The following CA8 variants were observed in gnomAD, a reference collection of about 807,000 sequenced individuals.
The protein encoded by CA8 is carbonic anhydrase-related protein.
Under a neutral mutation model 41.4 loss-of-function variants are expected in CA8, and 22 were observed. The observed-to-expected ratio is 0.53, with a 90% CI of 0.38 to 0.76. The LOEUF is 0.76. CA8 is among the 30% of genes least tolerant of loss of function. The pLI, the probability that CA8 is intolerant of heterozygous loss-of-function variation, is 0.00. For missense variants in CA8, 270 were observed against 352.8 expected (o/e 0.77, Z 1.88); for synonymous variants, 121 against 130.6 (o/e 0.93, Z 0.50).
intron 4 of CA8, among the ~76,000 whole-genome samples, chr8:60,229,530 T>C (rs1807568111): frequency 3.3e-5 from 5 of 152,206 alleles, no homozygotes; most frequent in African/African-American, 1.2e-4. Context: ...CCACCCTGGA[T>C]GACTTCAGCA....
intron 2 of CA8, among the ~76,000 whole-genome samples, chr8:60,269,181 T>C (rs1222002604): frequency 6.6e-6 from 1 of 152,212 alleles, no homozygotes. Context: ...GCAGCTTCTA[T>C]TTTATCCATC....
Position 60,249,030 on chromosome 8 carries a change from T to C in CA8, c.418-16651A>G, listed in dbSNP as rs529497076. On this transcript the variant is annotated intron_variant, in intron 3 of 8. Coordinates refer to ENST00000317995, the MANE Select transcript of CA8 (RefSeq NM_004056.6). ...TTATTCCCTTTGTAGCAATTGTGAATGGGAGTTTATTCAAGATTTGGTCCA... is the reference window on the plus strand; with the variant it reads ...TTATTCCCTTTGTAGCAATTGTGAACGGGAGTTTATTCAAGATTTGGTCCA... Among the ~76,000 whole-genome samples the C allele has an allele frequency of 9.2e-5, 14 of 152,310 alleles. No individual in the cohort carries two copies. In the East Asian group the frequency reaches 2.7e-3, roughly 29 times the overall value.
At chr8:60,221,138 A>T (rs1473235172) in intron 7 of CA8, among the ~76,000 whole-genome samples, 2 of 152,130 alleles carry the variant, frequency 1.3e-5, no homozygotes, top group East Asian at 3.9e-4. Flanking sequence ...GTGAATCCAA[A>T]ACTCTAGGCT....
chr8:60,240,289 G>A (rs1807976777), intron 3 of CA8, among the ~76,000 whole-genome samples: 1 of 152,158 alleles, frequency 6.6e-6, no homozygotes, highest in Admixed American at 6.5e-5. Context: ...TTATTGAGAT[G>A]GCAGTTTCAA....
chr8:60,254,100 A>G (rs775757919), intron 3 of CA8, among the ~76,000 whole-genome samples: 1 of 152,132 alleles, frequency 6.6e-6, no homozygotes, highest in African/African-American at 2.4e-5. Context: ...TTATCTTTTC[A>G]CATGTTTCTG....
Position 60,270,380 on chromosome 8 carries a change from CA to C in CA8, c.293-4332del, listed in dbSNP as rs541737091. Among the ~76,000 whole-genome samples the C allele has an allele frequency of 6.6e-5, 10 of 152,236 alleles. No homozygotes were observed. In the South Asian group the frequency reaches 2.1e-3, roughly 32 times the overall value. ...CACCACCCGAAGGATCCAAAGGATT[CA>C]TTCTTATTTTATTTACTTACTTACC... On this transcript the variant is annotated intron_variant, in intron 2 of 8. Coordinates refer to ENST00000317995, the MANE Select transcript of CA8 (RefSeq NM_004056.6).
At chr8:60,255,433 A>G (rs920377600) in intron 3 of CA8, among the ~76,000 whole-genome samples, 6 of 152,222 alleles carry the variant, frequency 3.9e-5, no homozygotes, top group Middle Eastern at 3.4e-3. Context: ...GGATCTCTTT[A>G]TTGGATCTCC....
intron 3 of CA8, chr8:60,265,302 A>G (rs1328562714): frequency 6.5e-6 from 1 of 154,272 alleles, no homozygotes; most frequent in Non-Finnish European, 1.4e-5. Context: ...TGCCCTATCA[A>G]GCATACAGGG....
chr8:60,277,347 AGTATTATTC>A (rs1804273451), intron 2 of CA8, among the ~76,000 whole-genome samples: 1 of 151,770 alleles, frequency 6.6e-6, no homozygotes, highest in African/African-American at 2.4e-5. Flanking sequence ...AGGCAGAAAG[AGTATTATTC>A]ACCTTTTTTT....
At chr8:60,210,344 G>A (rs11991354) in intron 7 of CA8, among the ~76,000 whole-genome samples, 55,830 of 151,998 alleles carry the variant, frequency 0.37, 10,712 homozygotes, top group Admixed American at 0.45. Flanking sequence ...ATAGAATTCT[G>A]CCATTCATAA....
chr8:60,200,712 T>C (rs537407563), intron 8 of CA8, among the ~76,000 whole-genome samples: 1 of 148,144 alleles, frequency 6.8e-6, no homozygotes, highest in Non-Finnish European at 1.5e-5. Flanking sequence ...ACTACCTTAT[T>C]TTGTGGATGA....
chr8:60,261,137 G>C (rs1408295742), intron 3 of CA8, among the ~76,000 whole-genome samples: 1 of 152,050 alleles, frequency 6.6e-6, no homozygotes, highest in East Asian at 1.9e-4. Flanking sequence ...GCCAAATATA[G>C]TTTAAGGATT....
rs1438834233 is a variant in CA8, at chr8:60,188,358, C to T, written c.*1663G>A. On this transcript the variant is annotated 3_prime_UTR_variant, in exon 9 of 9. Transcript: ENST00000317995. ...CAATCCCTGACTGTTCAGCACCAAC[C>T]CGGTCAGGAGTGGAGAGGCTGGTAC... 6.6e-6 allele frequency: 1 copy of T among 152,146 alleles called. No homozygotes were observed. 9.4% of individuals were successfully genotyped at this position (152,146 alleles called of 1,614,324 possible). A position where few individuals can be genotyped will look rare whatever the true frequency, so the allele number is the denominator to read the frequency against.
chr8:60,255,049 A>G (rs6996114), intron 3 of CA8, among the ~76,000 whole-genome samples: 52,506 of 151,890 alleles, frequency 0.35, 9,193 homozygotes, highest in Non-Finnish European at 0.37. Flanking sequence ...GGAATTTGAG[A>G]GAGTCATCAA....
intron 8 of CA8, among the ~76,000 whole-genome samples, chr8:60,203,025 A>AT (rs904581856): frequency 1.3e-5 from 2 of 152,196 alleles, no homozygotes; most frequent in African/African-American, 4.8e-5. Context: ...AAACAAAAAA[A>AT]AATAATAATT....
intron 1 of CA8, 43 bp downstream of exon 1, chr8:60,281,005 C>T (rs1224481594): frequency 6.9e-7 from 1 of 1,458,326 alleles, no homozygotes; most frequent in Admixed American, 1.7e-5. Context: ...GAGACACTGA[C>T]GCCGCCGCGG....
At chr8:60,253,066 C>A (rs1342158785) in intron 3 of CA8, among the ~76,000 whole-genome samples, 1 of 151,632 alleles carries the variant, frequency 6.6e-6, no homozygotes, top group African/African-American at 2.4e-5. Context: ...CCCGTCTCTA[C>A]ACCAAAATAA....
chr8:60,201,131 G>A (rs985931727), intron 8 of CA8, among the ~76,000 whole-genome samples: 17 of 152,152 alleles, frequency 1.1e-4, no homozygotes, highest in Non-Finnish European at 1.8e-4. Context: ...CACGGCTCAC[G>A]TTTCAAAGAA....
At chr8:60,241,596 G>C (rs1315668765) in intron 3 of CA8, among the ~76,000 whole-genome samples, 4 of 152,156 alleles carry the variant, frequency 2.6e-5, no homozygotes, top group Non-Finnish European at 5.9e-5. Context: ...CACTATAAAA[G>C]ATTGGGAAAA....
Sources: gnomAD v4.1 joint callset for allele counts (sites outside exome capture counted in the v4.1 genomes callset) on GRCh38, gnomAD v4.1.1 for gene constraint, MANE v1.5 for transcripts, NCBI Gene and HGNC (gene_info 2026-07-23, HGNC 2026-07-21) for gene names.